USP34: variants seen among roughly 807,000 people sequenced by gnomAD.
USP34 encodes ubiquitin carboxyl-terminal hydrolase 34.
In USP34, 70 loss-of-function variants were observed where a neutral mutation model predicts 460.3. The ratio of observed to expected loss-of-function variants is 0.15; its 90% confidence interval spans 0.13 to 0.19. The LOEUF is 0.19. Ranked by LOEUF, USP34 falls within the 10% of genes least tolerant of loss-of-function variation. The pLI is 1.00. For missense variants in USP34, 3,985 were observed against 4,236.2 expected, an observed-to-expected ratio of 0.94 and a Z score of 1.65; for synonymous variants, 1,647 against 1,405.3, an observed-to-expected ratio of 1.17 and a Z score of -3.85.
intron 1 of USP34, among the ~76,000 whole-genome samples, chr2:61,464,947 A>C (rs974429457): frequency 6.6e-6 from 1 of 152,178 alleles, no homozygotes; most frequent in African/African-American, 2.4e-5. Context: ...CAAACTCAAC[A>C]GAACAAGCAG....
intron 1 of USP34, among the ~76,000 whole-genome samples, chr2:61,462,255 A>G (rs1302674561): frequency 1.3e-5 from 2 of 150,618 alleles, no homozygotes; most frequent in Non-Finnish European, 3.0e-5. Flanking sequence ...GAAAAAAAAA[A>G]AAAAGAAAAT....
chr2:61,469,706 A>G (rs1181582457), intron 1 of USP34, among the ~76,000 whole-genome samples: 3 of 152,226 alleles, frequency 2.0e-5, no homozygotes, highest in Non-Finnish European at 2.9e-5. Context: ...AAACCCACAT[A>G]AACTGTTCAT....
chr2:61,398,065 C>A (rs909178073), intron 3 of USP34, among the ~76,000 whole-genome samples: 1 of 151,666 alleles, frequency 6.6e-6, no homozygotes. Flanking sequence ...AGCGAGACTC[C>A]GCCTCCAAAA....
chr2:61,312,918 T>C (rs1347668467), intron 25 of USP34, among the ~76,000 whole-genome samples: 1 of 152,172 alleles, frequency 6.6e-6, no homozygotes, highest in African/African-American at 2.4e-5. Flanking sequence ...TTATCTCTTT[T>C]TAAAAAGTAA....
At chr2:61,389,664 T>C (rs1693282383) in intron 5 of USP34, among the ~76,000 whole-genome samples, 1 of 152,160 alleles carries the variant, frequency 6.6e-6, no homozygotes, top group South Asian at 2.1e-4. Flanking sequence ...CAGCATTCTT[T>C]AACACTACTA....
At chr2:61,457,552 A>G (rs1276797803) in intron 1 of USP34, among the ~76,000 whole-genome samples, 1 of 152,168 alleles carries the variant, frequency 6.6e-6, no homozygotes, top group Non-Finnish European at 1.5e-5. Flanking sequence ...AATTTAACCC[A>G]CAGGTACTAA....
Position 61,234,882 on chromosome 2 carries a change from C to T in USP34, c.7032+963G>A, listed in dbSNP as rs181649664. Among the ~76,000 whole-genome samples the T allele has an allele frequency of 1.8e-3, 267 of 152,226 alleles. 1 individual carries two copies. The highest frequency in any genetic ancestry group is 6.0e-3 in the African/African-American group (249 of 41,552). ...AACTCCTGACCGCAAGTGATCCGCC[C>T]GCCTCAGCCTCCCAAAGTGCTGGGA... On this transcript the variant is annotated intron_variant, in intron 57 of 79. Coordinates refer to ENST00000398571, the MANE Select transcript of USP34 (RefSeq NM_014709.4).
chr2:61,287,373 G>A (rs958984814), intron 34 of USP34, among the ~76,000 whole-genome samples: 3 of 152,168 alleles, frequency 2.0e-5, no homozygotes, highest in African/African-American at 7.2e-5. Context: ...CGGAGATGTT[G>A]GAAAGGCAAA....
chr2:61,249,636 A>T (rs1688519722), intron 48 of USP34: 1 of 152,596 alleles, frequency 6.6e-6, no homozygotes, highest in African/African-American at 2.4e-5. Flanking sequence ...CCCTTTTCCA[A>T]CGGCCCACCA....
At chr2:61,417,731 CTTT>C (rs1209239161) in intron 2 of USP34, among the ~76,000 whole-genome samples, 6,461 of 94,422 alleles carry the variant, frequency 0.068, 121 homozygotes, top group Non-Finnish European at 0.094. Flanking sequence ...TTTTTTTTTT[CTTT>C]TTTTCTTTTC....
At chr2:61,401,809 C>G (rs1693729788) in intron 3 of USP34, among the ~76,000 whole-genome samples, 1 of 149,758 alleles carries the variant, frequency 6.7e-6, no homozygotes, top group Non-Finnish European at 1.5e-5. Context: ...CCACCTGCCT[C>G]AGCCTCCAAA....
intron 1 of USP34, among the ~76,000 whole-genome samples, chr2:61,465,263 G>T (rs1695726953): frequency 6.6e-6 from 1 of 151,982 alleles, no homozygotes; most frequent in African/African-American, 2.4e-5. Flanking sequence ...AACTTCAACG[G>T]GTCCTCAACC....
At chr2:61,354,967 C>T (rs1427640919) in intron 10 of USP34, among the ~76,000 whole-genome samples, 1 of 152,166 alleles carries the variant, frequency 6.6e-6, no homozygotes, top group East Asian at 1.9e-4. Context: ...AATCTCAGAG[C>T]CCCACATCCC....
In USP34 at chr2:61,394,747, A is replaced by C. The variant is rs879187384; in HGVS notation, c.753+106T>G. The C allele has an allele frequency of 1.3e-5, 11 of 837,322 alleles. No individual in the cohort carries two copies. The East Asian group carries it at 2.6e-4, about 20-fold the overall frequency. 51.9% of individuals were successfully genotyped at this position (837,322 alleles called of 1,614,324 possible). The stretch of plus-strand genomic sequence containing the variant: ...CATTTTGTCAAAATAAAAAAAAATT[A>C]CACATGCAAATCATTCAAAACCTTC... On this transcript the variant is annotated intron_variant, in intron 5 of 79. Coordinates refer to ENST00000398571, the MANE Select transcript of USP34 (RefSeq NM_014709.4).
intron 58 of USP34, among the ~76,000 whole-genome samples, chr2:61,230,389 G>T (rs1252208104): frequency 6.6e-6 from 1 of 152,154 alleles, no homozygotes; most frequent in Non-Finnish European, 1.5e-5. Context: ...AGCCGGGCGT[G>T]GTGGTGGGCA....
rs770668409 is a variant in USP34 at position 61,211,722 on chromosome 2, T to TC, written c.8840+49dup. 9.4e-6 allele frequency: 14 copies of TC among 1,492,520 alleles called. No homozygotes were observed. In the South Asian group the frequency reaches 1.9e-4, roughly 20 times the overall value. 92.5% of individuals were successfully genotyped at this position (1,492,520 alleles called of 1,614,324 possible). A position where few individuals can be genotyped will look rare whatever the true frequency, so the allele number is the denominator to read the frequency against. On this transcript the variant is annotated intron_variant, in intron 69 of 79. Coordinates refer to ENST00000398571, the MANE Select transcript of USP34 (RefSeq NM_014709.4). ...TTATCTTTAAACATCAAAAGGATGG[T>TC]CCTCATCTCACTGGAAATAAACAAG...
At chr2:61,457,009 C>G (rs2104086540) in intron 1 of USP34, among the ~76,000 whole-genome samples, 1 of 150,998 alleles carries the variant, frequency 6.6e-6, no homozygotes, top group East Asian at 2.0e-4. Flanking sequence ...GTGGTGACTG[C>G]TCACACCTGT....
At chr2:61,437,273 A>G (rs1197154268) in intron 1 of USP34, among the ~76,000 whole-genome samples, 1 of 152,190 alleles carries the variant, frequency 6.6e-6, no homozygotes, top group Non-Finnish European at 1.5e-5. Flanking sequence ...AACAAAATCA[A>G]CAAACCTTTA....
chr2:61,403,835 A>G (rs1286089999), intron 3 of USP34, among the ~76,000 whole-genome samples: 1 of 151,828 alleles, frequency 6.6e-6, no homozygotes, highest in East Asian at 1.9e-4. Context: ...AAAAATACAA[A>G]GAAAAAAATT....
Sources: allele counts gnomAD v4.1 joint callset (sites outside exome capture counted in the v4.1 genomes callset), GRCh38; gene constraint gnomAD v4.1.1; transcripts MANE v1.5; gene names NCBI Gene and HGNC (gene_info 2026-07-23, HGNC 2026-07-21).